Variants in XRCC3 observed in about 807,000 individuals in gnomAD.
The protein encoded by XRCC3 is DNA repair protein XRCC3.
In XRCC3, 34 loss-of-function variants were observed where a neutral mutation model predicts 29.2. The observed-to-expected ratio is 1.16, with a 90% CI of 0.88 to 1.55. XRCC3 has a LOEUF of 1.55. Ranked by LOEUF, XRCC3 falls within the 40% of genes most tolerant of loss-of-function variation. XRCC3 has a pLI of 0.00. For missense variants in XRCC3, 463 were observed against 467.6 expected (o/e 0.99, Z 0.09); for synonymous variants, 223 against 211.3 (o/e 1.06, Z -0.48).
chr14:103,703,606 C>A (rs2083319208), intron 6 of XRCC3: 8 of 476,980 alleles, frequency 1.7e-5, no homozygotes, highest in South Asian at 1.6e-4. Context: ...GCTGGAATGG[C>A]CACAGATGGG....
At position 103,698,221 on chromosome 14, in the gene XRCC3, A is replaced by C; in HGVS notation, c.*577T>G. On this transcript the variant is annotated 3_prime_UTR_variant, in exon 10 of 10. Transcript: ENST00000555055. Reference sequence around the variant, plus strand: ...GCTTTCTCCACCTTGTACCACACTGAAGTTTTGTGGGGCACAGTGTGTGCC... The same window carrying C: ...GCTTTCTCCACCTTGTACCACACTGCAGTTTTGTGGGGCACAGTGTGTGCC... 1 of 169,764 alleles carries C rather than the reference A, an allele frequency of 5.9e-6. No homozygotes were observed. The highest frequency in any genetic ancestry group is 1.3e-5 in the Non-Finnish European group (1 of 78,332). 10.5% of individuals were successfully genotyped at this position (169,764 alleles called of 1,614,324 possible). A position where few individuals can be genotyped will look rare whatever the true frequency, so the allele number is the denominator to read the frequency against.
chr14:103,699,720 C>A, intron 7 of XRCC3, 144 bp from the exon 8 acceptor site: 1 of 766,010 alleles, frequency 1.3e-6, no homozygotes, highest in South Asian at 1.5e-5. Flanking sequence ...AGTCCCCATA[C>A]TCTGAGCCCA....
chr14:103,713,569 G>C (rs575335596), intron 1 of XRCC3: 1 of 152,360 alleles, frequency 6.6e-6, no homozygotes, highest in Non-Finnish European at 1.5e-5. Flanking sequence ...AGGTGAGTAC[G>C]GACGGTCACA....
At chr14:103,707,299 C>T in intron 5 of XRCC3, 84 bp from the exon 6 acceptor site, 1 of 1,499,444 alleles carries the variant, frequency 6.7e-7, no homozygotes, top group Non-Finnish European at 9.0e-7. Flanking sequence ...GTCAGCCTGC[C>T]TGTGCCAGGT....
intron 6 of XRCC3, chr14:103,706,016 C>G (rs886390040): frequency 1.9e-5 from 5 of 257,798 alleles, no homozygotes; most frequent in Non-Finnish European, 3.1e-5. Flanking sequence ...GACTCAGGCA[C>G]CTGACAAGAG....
In XRCC3 at chr14:103,706,886, A is replaced by G. The variant is rs2083454038; in HGVS notation, c.406+117T>C. The G allele has an allele frequency of 2.0e-5, 23 of 1,141,266 alleles. 1 individual carries two copies. The highest frequency in any genetic ancestry group is 2.9e-5 in the Non-Finnish European group (23 of 790,210). 70.7% of individuals were successfully genotyped at this position (1,141,266 alleles called of 1,614,324 possible). On this transcript the variant is annotated intron_variant, in intron 6 of 9. Transcript: ENST00000555055. Reference sequence around the variant, plus strand: ...GGCAATCAGGGTGAGAAGGAGGGAGACGCAATGGTAGGAACAGCGCAAGAG... The same window carrying G: ...GGCAATCAGGGTGAGAAGGAGGGAGGCGCAATGGTAGGAACAGCGCAAGAG...
At position 103,707,005 on chromosome 14, in the gene XRCC3, G is replaced by A; in HGVS notation, c.404C>T (p.Ala135Val). The A allele has an allele frequency of 6.4e-7, 1 of 1,553,694 alleles. No homozygotes were observed. The highest frequency in any genetic ancestry group is 8.7e-7 in the Non-Finnish European group (1 of 1,154,550). The change falls in exon 6 of 10, where the codon GCT (alanine) becomes GTT (valine). Residue 135 changes from alanine to valine, a missense_variant and splice_region_variant. Transcript: ENST00000555055. The part of the protein sequence containing the change: ...QFPRQHGGLE[A>V]GAVYICTEDA... ...CCACGGAAGGGGTGGCCACTCACCAGCCTCCAGGCCTCCGTGCTGCCGCGG... is the reference window on the plus strand; with the variant it reads ...CCACGGAAGGGGTGGCCACTCACCAACCTCCAGGCCTCCGTGCTGCCGCGG...
intron 2 of XRCC3, chr14:103,711,857 T>C (rs1400615286): frequency 1.6e-5 from 6 of 372,804 alleles, no homozygotes; most frequent in Admixed American, 3.3e-5. Flanking sequence ...GCATCCCCTG[T>C]CGGCCTCCCA....
chr14:103,713,498 C>T (rs2083702324), intron 1 of XRCC3: 1 of 152,398 alleles, frequency 6.6e-6, no homozygotes, highest in South Asian at 2.1e-4. Flanking sequence ...ACCTGTATGT[C>T]TTCCTGCAGC....
chr14:103,707,888 G>C, intron 5 of XRCC3: 1 of 192,624 alleles, frequency 5.2e-6, no homozygotes, highest in Admixed American at 5.3e-5. Context: ...GGTGGAGCAG[G>C]CCACCCTGAC....
chr14:103,699,251 C>A, intron 8 of XRCC3, 72 bp from the exon 9 acceptor site: 1 of 1,539,758 alleles, frequency 6.5e-7, no homozygotes, highest in Non-Finnish European at 8.7e-7. Flanking sequence ...GGCTGCTACC[C>A]GCAGGAGCCG....
In XRCC3 at chr14:103,701,103, TG is replaced by T. The variant is rs2083160625; in HGVS notation, c.562-1528del. On this transcript the variant is annotated intron_variant, in intron 7 of 9. Transcript: ENST00000555055. ...CAACACCCTCTTCTCTAGGCAGACT[TG>T]GGGTGGGGGTTCCCCAGAGAGCTGT... 2.8e-6 allele frequency: 4 copies of T among 1,439,806 alleles called. No homozygotes were observed. In the East Asian group the frequency reaches 1.0e-4, roughly 36 times the overall value. 89.2% of individuals were successfully genotyped at this position (1,439,806 alleles called of 1,614,324 possible).
At chr14:103,702,583 C>CT (rs1369266269) in intron 7 of XRCC3, 1 of 156,422 alleles carries the variant, frequency 6.4e-6, no homozygotes, top group Non-Finnish European at 1.4e-5. Context: ...CCAGTTACAT[C>CT]TGAGTTTCAG....
intron 4 of XRCC3, 28 bp downstream of exon 4, chr14:103,711,005 C>T: frequency 6.2e-7 from 1 of 1,613,250 alleles, no homozygotes; most frequent in Non-Finnish European, 8.5e-7. Context: ...CCCACCCACA[C>T]CCTTTATGTA....
chr14:103,698,914 C>T lies in XRCC3; in HGVS notation c.925G>A (p.Gly309Ser), dbSNP rs532124840. Residue 309 changes from glycine to serine, a missense_variant, in exon 10 of 10, where the codon GGC becomes AGC. Gly to Ser is a moderately conservative substitution (Grantham distance 56). Coordinates refer to ENST00000555055, the MANE Select transcript of XRCC3 (RefSeq NM_005432.4). ...DRLREEEAAL[G>S]CPARTLRVLS... Reference sequence around the variant, plus strand: ...ACCCGCAGGGTCCGGGCTGGGCAGCCGAGGGCAGCCTCTTCCTCGCGGAGC... The same window carrying T: ...ACCCGCAGGGTCCGGGCTGGGCAGCTGAGGGCAGCCTCTTCCTCGCGGAGC... 1.3e-4 allele frequency: 204 copies of T among 1,600,418 alleles called. No homozygotes were observed. The South Asian group carries it at 2.0e-3, about 15-fold the overall frequency.
At chr14:103,708,493 C>T in intron 5 of XRCC3, 29 bp downstream of exon 5, 2 of 1,612,910 alleles carry the variant, frequency 1.2e-6, no homozygotes, top group Non-Finnish European at 1.7e-6. Flanking sequence ...CACATGTCAC[C>T]CCTGGCAGAG....
At chr14:103,699,746 CAA>C (rs1356219599) in intron 7 of XRCC3, among the ~76,000 whole-genome samples, 170 bp from the exon 8 acceptor site, 1 of 152,108 alleles carries the variant, frequency 6.6e-6, no homozygotes, top group Non-Finnish European at 1.5e-5. Flanking sequence ...GTATTTTTCT[CAA>C]AGAGGCCCCA....
rs750840706 is a variant in XRCC3 at position 103,707,018 on chromosome 14, C to T, written c.391G>A (p.Gly131Arg). Residue 131 changes from glycine to arginine, a missense_variant, in exon 6 of 10, where the codon GGA (glycine) becomes AGA (arginine). By Grantham distance (125) the Gly-to-Arg change is moderately radical (BLOSUM62 -2). Coordinates refer to ENST00000555055, the MANE Select transcript of XRCC3 (RefSeq NM_005432.4). Reference sequence around the variant, plus strand: ...GGCCACTCACCAGCCTCCAGGCCTCCGTGCTGCCGCGGGAACTGCACAGCC... The same window carrying T: ...GGCCACTCACCAGCCTCCAGGCCTCTGTGCTGCCGCGGGAACTGCACAGCC... ...CLAVQFPRQH[G>R]GLEAGAVYIC... 80 of 1,559,906 alleles carry T rather than the reference C, an allele frequency of 5.1e-5. No homozygotes were observed. The highest frequency in any genetic ancestry group is 3.7e-4 in the African/African-American group (27 of 73,776).
At chr14:103,704,243 AG>A (rs1361305988) in intron 6 of XRCC3, 1 of 152,348 alleles carries the variant, frequency 6.6e-6, no homozygotes, top group Non-Finnish European at 1.5e-5. Flanking sequence ...CTCCCAGGAC[AG>A]GAAGAGTCAC....
Sources: gnomAD v4.1 joint callset for allele counts (sites outside exome capture counted in the v4.1 genomes callset) on GRCh38, gnomAD v4.1.1 for gene constraint, MANE v1.5 for transcripts, NCBI Gene and HGNC (gene_info 2026-07-23, HGNC 2026-07-21) for gene names.